The following ZDHHC11 variants were observed in gnomAD, a reference collection of about 807,000 sequenced individuals.
The protein encoded by ZDHHC11 is palmitoyltransferase ZDHHC11.
In ZDHHC11, 44 loss-of-function variants were observed where a neutral mutation model predicts 51.3. The ratio of observed to expected loss-of-function variants is 0.86; its 90% confidence interval spans 0.67 to 1.10. The LOEUF is 1.10. Ranked by LOEUF, ZDHHC11 falls within the 50% of genes least tolerant of loss-of-function variation. ZDHHC11 has a pLI of 0.00. For missense variants in ZDHHC11, 400 were observed against 537.7 expected (o/e 0.74, Z 2.53); for synonymous variants, 163 against 222.0 (o/e 0.73, Z 2.36).
chr5:844,234 G>C (rs537841465), intron 3 of ZDHHC11, among the ~76,000 whole-genome samples: 6 of 152,404 alleles, frequency 3.9e-5, no homozygotes, highest in African/African-American at 9.6e-5. Context: ...TCGCTGGAGA[G>C]GGGTGGCCGT....
rs866888421 is a variant in ZDHHC11 at position 809,265 on chromosome 5, C to T, written c.1181+5496G>A. 2.5e-3 allele frequency among the ~76,000 whole-genome samples: 351 copies of T among 140,750 alleles called. 1 individual carries two copies. Among genetic ancestry groups the T allele is most frequent in the Middle Eastern group, 0.01 (3 of 292 alleles). 92.3% of individuals were successfully genotyped at this position (140,750 alleles called of 152,430 possible). On this transcript the variant is annotated intron_variant, in intron 11 of 12. Transcript: ENST00000283441. ...TCTGCACCCCTCGCTGAGATGCACACACGGCACTTCTGGGCCTTTGTTGCT... is the reference window on the plus strand; with the variant it reads ...TCTGCACCCCTCGCTGAGATGCACATACGGCACTTCTGGGCCTTTGTTGCT...
Position 840,559 on chromosome 5 carries a change from C to T in ZDHHC11, c.720G>A (p.Val240=). ...TLIVVIIGML[V]LLLDFLGLVH... ...CCAAGCCAAGAAAGTCCAGCAGGAG[C>T]ACGAGCATCCCGATGATCACGACTA... is the stretch of plus-strand genomic sequence containing the variant. The change falls in exon 5 of 13, where the codon GTG becomes GTA. Residue 240 remains valine (V), a synonymous_variant. Coordinates refer to ENST00000283441, the MANE Select transcript of ZDHHC11 (RefSeq NM_024786.3). 1 of 1,613,898 alleles carries T rather than the reference C, an allele frequency of 6.2e-7. No homozygotes were observed. The highest frequency in any genetic ancestry group is 8.5e-7 in the Non-Finnish European group (1 of 1,179,868).
Position 820,586 on chromosome 5 carries a change from G to C in ZDHHC11, c.1059-974C>G, listed in dbSNP as rs78816739. On this transcript the variant is annotated intron_variant, in intron 9 of 12. Transcript: ENST00000283441. ...TGGGGCTGGTGCACACCTGGGGAAG[G>C]GGGGCTGCACTCCACTTTCTGGCCA... Among the ~76,000 whole-genome samples, 13 of 151,256 alleles carry C rather than the reference G, an allele frequency of 8.6e-5. No individual in the cohort carries two copies. In the East Asian group the frequency reaches 2.1e-3, roughly 25 times the overall value.
chr5:855,264 T>C (rs143309201), upstream of ZDHHC11, among the ~76,000 whole-genome samples: 1,091 of 75,016 alleles, frequency 0.015, 33 homozygotes, highest in Admixed American at 0.12. Flanking sequence ...AGAGACACCA[T>C]GGAGGACAGC....
chr5:816,383 A>G (rs1471247409), intron 10 of ZDHHC11: 4 of 387,168 alleles, frequency 1.0e-5, no homozygotes, highest in Non-Finnish European at 2.0e-5. Context: ...GGGGGGCGGT[A>G]GCGCAGGCGG....
chr5:829,621 C>T (rs1342129569), intron 7 of ZDHHC11, among the ~76,000 whole-genome samples: 3 of 151,446 alleles, frequency 2.0e-5, no homozygotes, highest in East Asian at 1.9e-4. Flanking sequence ...AAGAGGGAAT[C>T]GTCCATAAAT....
chr5:849,232 C>T (rs1746770116), intron 1 of ZDHHC11, among the ~76,000 whole-genome samples: 1 of 152,152 alleles, frequency 6.6e-6, no homozygotes, highest in Admixed American at 6.5e-5. Context: ...CCTTTTGGTT[C>T]ATCCCTGTTG....
At chr5:798,982 C>T (rs1317927608) in intron 12 of ZDHHC11, among the ~76,000 whole-genome samples, 43 of 151,948 alleles carry the variant, frequency 2.8e-4, no homozygotes, top group Middle Eastern at 3.2e-3. Context: ...TTCTATAAAA[C>T]ACACTGAGCC....
At position 831,581 on chromosome 5, in the gene ZDHHC11, TCAAACAAA is replaced by T. The variant is rs535488797; in HGVS notation, c.935+2184_935+2191del. Among the ~76,000 whole-genome samples, 12 of 132,050 alleles carry T rather than the reference TCAAACAAA, an allele frequency of 9.1e-5. 1 individual carries two copies. The East Asian group carries it at 1.4e-3, about 16-fold the overall frequency. 86.6% of individuals were successfully genotyped at this position (132,050 alleles called of 152,430 possible). A position where few individuals can be genotyped will look rare whatever the true frequency, so the allele number is the denominator to read the frequency against. Reference sequence around the variant, plus strand: ...CTGGGTGACAGAGTGAGACTCTGTCTCAAACAAACAAACAAACAAACAACAAAACCAAT... The same window carrying T: ...CTGGGTGACAGAGTGAGACTCTGTCTCAAACAAACAAACAACAAAACCAAT... On this transcript the variant is annotated intron_variant, in intron 7 of 12. Coordinates refer to ENST00000283441, the MANE Select transcript of ZDHHC11 (RefSeq NM_024786.3).
At chr5:833,139 G>A (rs1743274935) in intron 7 of ZDHHC11, among the ~76,000 whole-genome samples, 2 of 152,272 alleles carry the variant, frequency 1.3e-5, no homozygotes, top group South Asian at 2.1e-4. Flanking sequence ...AGTGAGAAGA[G>A]CGACAGCGTT....
chr5:801,748 A>G (rs1232333938), intron 11 of ZDHHC11, among the ~76,000 whole-genome samples: 2 of 151,294 alleles, frequency 1.3e-5, no homozygotes, highest in African/African-American at 4.9e-5. Flanking sequence ...TTAACTTGCA[A>G]CGCTGAATGT....
At chr5:845,843 C>T (rs1477978540) in intron 3 of ZDHHC11, among the ~76,000 whole-genome samples, 1 of 149,614 alleles carries the variant, frequency 6.7e-6, no homozygotes, top group African/African-American at 2.6e-5. Context: ...TCTCCTGATG[C>T]CCCTTTCCCA....
At chr5:799,006 C>T (rs1239344450) in intron 12 of ZDHHC11, among the ~76,000 whole-genome samples, 1 of 151,740 alleles carries the variant, frequency 6.6e-6, no homozygotes, top group Non-Finnish European at 1.5e-5. Context: ...TTGTTTCAGT[C>T]ACTAATCAAG....
intron 8 of ZDHHC11, chr5:824,077 A>C (rs1218226734): frequency 2.2e-6 from 1 of 454,956 alleles, no homozygotes; most frequent in Non-Finnish European, 4.4e-6. Context: ...ATCCTGGGGA[A>C]GTGTGGTGAG....
chr5:801,955 A>G (rs532546616), intron 11 of ZDHHC11, among the ~76,000 whole-genome samples: 1 of 151,620 alleles, frequency 6.6e-6, no homozygotes, highest in African/African-American at 2.4e-5. Context: ...AGGACATTAC[A>G]TCAAAGAAAA....
chr5:814,303 C>G (rs1053695227), intron 11 of ZDHHC11, among the ~76,000 whole-genome samples: 2 of 151,110 alleles, frequency 1.3e-5, no homozygotes, highest in African/African-American at 4.9e-5. Flanking sequence ...TCATGGTCCT[C>G]TTTATAAGGG....
chr5:836,844 T>C (rs1354140268), intron 6 of ZDHHC11, among the ~76,000 whole-genome samples: 1 of 149,998 alleles, frequency 6.7e-6, no homozygotes, highest in Admixed American at 6.6e-5. Context: ...GCGGATCACC[T>C]GAGGCCAGAA....
intron 11 of ZDHHC11, among the ~76,000 whole-genome samples, chr5:807,104 G>T (rs1395280727): frequency 6.6e-6 from 1 of 150,836 alleles, no homozygotes; most frequent in African/African-American, 2.4e-5. Context: ...GGGTAATTAA[G>T]TGTGGTACGG....
At position 850,934 on chromosome 5, in the gene ZDHHC11, C is replaced by T; in HGVS notation, c.-332G>A. 1 of 434,488 alleles carries T rather than the reference C, an allele frequency of 2.3e-6. No individual in the cohort carries two copies. The highest frequency in any genetic ancestry group is 4.2e-6 in the Non-Finnish European group (1 of 240,758). 26.9% of individuals were successfully genotyped at this position (434,488 alleles called of 1,614,324 possible). ...AGTTCCCCTGAGGATTTGTTACGTTCTGGGGAGTGCTCGACAGCCCCCACA... is the reference window on the plus strand; with the variant it reads ...AGTTCCCCTGAGGATTTGTTACGTTTTGGGGAGTGCTCGACAGCCCCCACA... On this transcript the variant is annotated 5_prime_UTR_variant, in exon 1 of 13. Transcript: ENST00000283441.
Sources: gnomAD v4.1 joint callset for allele counts (sites outside exome capture counted in the v4.1 genomes callset) on GRCh38, gnomAD v4.1.1 for gene constraint, MANE v1.5 for transcripts, NCBI Gene and HGNC (gene_info 2026-07-23, HGNC 2026-07-21) for gene names.